The following VGLL4 variants were observed in gnomAD, a reference collection of about 807,000 sequenced individuals.
The protein encoded by VGLL4 is vestigial like family member 4.
In VGLL4, 7 loss-of-function variants were observed where a neutral mutation model predicts 21.0. The observed-to-expected ratio is 0.33, with a 90% CI of 0.19 to 0.63. The LOEUF is 0.63. VGLL4 is among the 20% of genes least tolerant of loss of function. VGLL4 has a pLI of 0.78. For missense variants in VGLL4, 394 were observed against 425.7 expected (o/e 0.93, Z 0.66); for synonymous variants, 222 against 173.2 (o/e 1.28, Z -2.21).
chr3:11,645,735 A>G (rs2574696), upstream of VGLL4, among the ~76,000 whole-genome samples: 56,067 of 151,734 alleles, frequency 0.37, 10,852 homozygotes, highest in South Asian at 0.52. Context: ...ACTCTGGGAG[A>G]CTGAGACGGG....
At position 11,690,903 on chromosome 3, in the gene VGLL4, G is replaced by A. The variant is rs1009580619; in HGVS notation, c.64+12068C>T. Among the ~76,000 whole-genome samples the A allele has an allele frequency of 3.3e-5, 5 of 152,110 alleles. No homozygotes were observed. The East Asian group carries it at 7.7e-4, about 24-fold the overall frequency. ...ACATTATATGCACATCAGATGCCAAGTCAACGAGTATTTCATAAATGTATA... is the reference window on the plus strand; with the variant it reads ...ACATTATATGCACATCAGATGCCAAATCAACGAGTATTTCATAAATGTATA... On this transcript the variant is annotated intron_variant, in intron 2 of 5. Coordinates refer to the VGLL4 transcript ENST00000273038.
chr3:11,573,392 AAAGAAAAT>A (rs2073935253), intron 2 of VGLL4, among the ~76,000 whole-genome samples: 1 of 149,482 alleles, frequency 6.7e-6, no homozygotes, highest in African/African-American at 2.4e-5. Flanking sequence ...AGAAAGAAAG[AAAGAAAAT>A]GGCCCCATAG....
chr3:11,690,674 T>C (rs961698647), intron 2 of VGLL4, among the ~76,000 whole-genome samples: 2 of 152,122 alleles, frequency 1.3e-5, no homozygotes, highest in African/African-American at 4.8e-5. Context: ...TATGTAAGGT[T>C]TGATGAGACA....
In VGLL4 at chr3:11,565,271, C is replaced by T. The variant is rs1456370564; in HGVS notation, c.273-252G>A. 2.0e-5 allele frequency among the ~76,000 whole-genome samples: 3 copies of T among 152,070 alleles called. No homozygotes were observed. Among genetic ancestry groups the T allele is most frequent in the Non-Finnish European group, 4.4e-5 (3 of 68,020 alleles). On this transcript the variant is annotated intron_variant, in intron 2 of 4. Transcript: ENST00000430365. This position sits in a 1 kb window ranked among gnomAD's most constrained non-coding sequence, Gnocchi z 4.1. ...GAAGATGGAGCCCCCGACTCAGTGGCGTCCTCTGCCTGACTCTGTGTTCAC... is the reference window on the plus strand; with the variant it reads ...GAAGATGGAGCCCCCGACTCAGTGGTGTCCTCTGCCTGACTCTGTGTTCAC...
At chr3:11,590,316 T>C (rs1209501531) in intron 2 of VGLL4, among the ~76,000 whole-genome samples, 1 of 152,240 alleles carries the variant, frequency 6.6e-6, no homozygotes, top group African/African-American at 2.4e-5. Context: ...GATGTGCTTC[T>C]ACATTGACCT....
At chr3:11,704,341 C>A (rs2076726857) in intron 1 of VGLL4, among the ~76,000 whole-genome samples, 1 of 141,096 alleles carries the variant, frequency 7.1e-6, no homozygotes, top group Non-Finnish European at 1.5e-5. Flanking sequence ...CGAGATCGAG[C>A]CATTGCACTC....
intron 3 of VGLL4, among the ~76,000 whole-genome samples, chr3:11,560,239 A>G (rs2072860285): frequency 6.6e-6 from 1 of 152,230 alleles, no homozygotes; most frequent in African/African-American, 2.4e-5. Context: ...AAGACCATGC[A>G]CACCAGGCAG....
chr3:11,703,077 T>C, intron 1 of VGLL4: 1 of 1,510,422 alleles, frequency 6.6e-7, no homozygotes, highest in Non-Finnish European at 9.0e-7. Flanking sequence ...GGGGAAAAAA[T>C]AATTTAAACA....
At chr3:11,618,958 A>G (rs1223037562) in intron 1 of VGLL4, among the ~76,000 whole-genome samples, 1 of 152,240 alleles carries the variant, frequency 6.6e-6, no homozygotes, top group Non-Finnish European at 1.5e-5. Context: ...ATGAGAAGCC[A>G]GGAAGGGCTG....
At chr3:11,634,730 T>C (rs1182337678) in intron 1 of VGLL4, among the ~76,000 whole-genome samples, 1 of 150,994 alleles carries the variant, frequency 6.6e-6, no homozygotes, top group Non-Finnish European at 1.5e-5. Context: ...CAGGCCAGAG[T>C]GCGGTGGGAT....
At position 11,602,036 on chromosome 3, in the gene VGLL4, G is replaced by A. The variant is rs976143639; in HGVS notation, c.83-14C>T. Reference sequence around the variant, plus strand: ...GAGCAGCTTCGCCTACGCAGAGAGAGATGATGTAGTCACTAAGCAGGAGAA... The same window carrying A: ...GAGCAGCTTCGCCTACGCAGAGAGAAATGATGTAGTCACTAAGCAGGAGAA... On this transcript the variant is annotated splice_polypyrimidine_tract_variant and intron_variant, in intron 1 of 4. Transcript: ENST00000430365. 7.9e-6 allele frequency: 12 copies of A among 1,525,770 alleles called. No homozygotes were observed. The highest frequency in any genetic ancestry group is 9.6e-6 in the Non-Finnish European group (11 of 1,142,270). 94.5% of individuals were successfully genotyped at this position (1,525,770 alleles called of 1,614,324 possible).
chr3:11,616,661 C>G (rs2075169170), intron 1 of VGLL4, among the ~76,000 whole-genome samples: 1 of 152,206 alleles, frequency 6.6e-6, no homozygotes, highest in Non-Finnish European at 1.5e-5. Context: ...ATTGTTGAAT[C>G]CAGTCCTGTC....
intron 2 of VGLL4, among the ~76,000 whole-genome samples, chr3:11,585,386 T>C (rs1473242234): frequency 1.3e-4 from 19 of 150,892 alleles, no homozygotes; most frequent in Middle Eastern, 6.8e-3. Flanking sequence ...TGCACCGAGA[T>C]TGCGCCACTG....
Position 11,558,630 on chromosome 3 carries a change from A to G in VGLL4, c.817T>C (p.Ser273Pro). The G allele has an allele frequency of 6.2e-7, 1 of 1,609,656 alleles. No homozygotes were observed. The highest frequency in any genetic ancestry group is 8.5e-7 in the Non-Finnish European group (1 of 1,179,990). ...GGGCTGGCGGGCTGGCCCCTGCGAG[A>G]GGCGGACTCAGGGCTGCTGGATGCT... The part of the protein sequence containing the change: ...DGASSSPESA[S>P]RRGQPASPSA... Residue 273 changes from serine to proline, a missense_variant, in exon 5 of 5, where the codon TCT becomes CCT. Transcript: ENST00000430365.
intron 2 of VGLL4, among the ~76,000 whole-genome samples, chr3:11,675,260 T>G (rs1294511593): frequency 6.6e-6 from 1 of 151,996 alleles, no homozygotes; most frequent in African/African-American, 2.4e-5. Flanking sequence ...GAGAATCACT[T>G]GAACCTGGGG....
intron 2 of VGLL4, among the ~76,000 whole-genome samples, chr3:11,702,286 A>T (rs73813013): frequency 0.055 from 8,434 of 152,024 alleles, 270 homozygotes; most frequent in Middle Eastern, 0.092. Flanking sequence ...ACCTACAATT[A>T]ACGGTTCAAA....
At position 11,562,505 on chromosome 3, in the gene VGLL4, T is replaced by C. The variant is rs560523340; in HGVS notation, c.495+2292A>G. Among the ~76,000 whole-genome samples the C allele has an allele frequency of 3.2e-3, 492 of 152,246 alleles. 2 individuals are homozygous for C. The highest frequency in any genetic ancestry group is 0.011 in the African/African-American group (467 of 41,544). Reference sequence around the variant, plus strand: ...CAGGAAGCCCCCTCCCCACTGCCATTTCCCTGGCTCTGAGCTGCAGGATGA... The same window carrying C: ...CAGGAAGCCCCCTCCCCACTGCCATCTCCCTGGCTCTGAGCTGCAGGATGA... On this transcript the variant is annotated intron_variant, in intron 3 of 4. Transcript: ENST00000430365.
intron 2 of VGLL4, among the ~76,000 whole-genome samples, chr3:11,596,514 G>C (rs2443725): frequency 0.81 from 123,566 of 152,166 alleles, 50,554 homozygotes; most frequent in Non-Finnish European, 0.86. Flanking sequence ...CAGGGAGATA[G>C]AGTATGGAAC....
At chr3:11,615,588 T>C (rs1297210335) in intron 1 of VGLL4, among the ~76,000 whole-genome samples, 1 of 152,244 alleles carries the variant, frequency 6.6e-6, no homozygotes, top group Non-Finnish European at 1.5e-5. Context: ...TCCTCCCTTT[T>C]GTAGTAATAG....
Sources: allele counts gnomAD v4.1 joint callset (sites outside exome capture counted in the v4.1 genomes callset), GRCh38; gene constraint gnomAD v4.1.1; non-coding constraint Gnocchi (gnomAD v3.1); transcripts MANE v1.5; gene names NCBI Gene and HGNC (gene_info 2026-07-23, HGNC 2026-07-21).